LINGO2: variants seen among roughly 807,000 people sequenced by gnomAD.
LINGO2 encodes leucine-rich repeat and immunoglobulin-like domain-containing nogo receptor-interacting protein 2.
In LINGO2, 14 loss-of-function variants were observed where a neutral mutation model predicts 30.6. The ratio of observed to expected loss-of-function variants is 0.46; its 90% CI spans 0.30 to 0.72. The LOEUF (loss-of-function observed/expected upper bound fraction) is 0.72, where lower values mean the gene tolerates loss of function less well. Ranked by LOEUF, LINGO2 falls within the 30% of genes least tolerant of loss-of-function variation. LINGO2 has a pLI of 0.07. For missense variants in LINGO2, 729 were observed against 751.7 expected, an observed-to-expected ratio of 0.97 and a Z score of 0.35; for synonymous variants, 317 against 288.5, an observed-to-expected ratio of 1.10 and a Z score of -1.00.
chr9:28,844,972 CA>C, the LINGO2 span, among the ~76,000 whole-genome samples: 4 of 151,810 alleles, frequency 2.6e-5, no homozygotes, highest in Non-Finnish European at 4.4e-5. Flanking sequence ...TACAGAAAAT[CA>C]TATGCTAAGT....
chr9:28,398,349 G>A (rs1302161506), intron 2 of LINGO2, among the ~76,000 whole-genome samples: 1 of 152,130 alleles, frequency 6.6e-6, no homozygotes, highest in African/African-American at 2.4e-5. Context: ...TTACTTTCTA[G>A]CACAAGTTTA....
chr9:29,111,572 T>TA, the LINGO2 span, among the ~76,000 whole-genome samples: 1 of 151,940 alleles, frequency 6.6e-6, no homozygotes, highest in African/African-American at 2.4e-5. Context: ...AAACAGTTTT[T>TA]AAATAACAAC....
At chr9:28,219,220 C>A (rs1820874608) in intron 4 of LINGO2, among the ~76,000 whole-genome samples, 1 of 152,164 alleles carries the variant, frequency 6.6e-6, no homozygotes, top group African/African-American at 2.4e-5. Context: ...TTGTGCCAGG[C>A]AGGCACCCAT....
At chr9:28,625,361 G>A (rs768928381) in intron 1 of LINGO2, among the ~76,000 whole-genome samples, 1 of 152,120 alleles carries the variant, frequency 6.6e-6, no homozygotes, top group Non-Finnish European at 1.5e-5. Flanking sequence ...CAGGAGATGG[G>A]GGAGAGGTGA....
the LINGO2 span, among the ~76,000 whole-genome samples, chr9:29,025,646 A>G: frequency 1.3e-5 from 2 of 152,194 alleles, no homozygotes; most frequent in Non-Finnish European, 2.9e-5. Flanking sequence ...TTTACCTCAC[A>G]GTTACCATTG....
chr9:29,045,224 T>A, the LINGO2 span, among the ~76,000 whole-genome samples: 1 of 152,088 alleles, frequency 6.6e-6, no homozygotes, highest in African/African-American at 2.4e-5. Context: ...AGCAGGCAAT[T>A]TACAAGTTAT....
At chr9:29,199,046 T>C in the LINGO2 span, among the ~76,000 whole-genome samples, 1 of 152,112 alleles carries the variant, frequency 6.6e-6, no homozygotes, top group Non-Finnish European at 1.5e-5. Flanking sequence ...ATTAATTTCT[T>C]GTTCAAGTAT....
the LINGO2 span, among the ~76,000 whole-genome samples, chr9:29,021,386 C>G: frequency 2.6e-4 from 39 of 152,224 alleles, no homozygotes; most frequent in African/African-American, 8.9e-4. Flanking sequence ...AGGCCAGGTG[C>G]GGTGGCTAAC....
At chr9:28,172,366 G>A (rs1026887493) in intron 4 of LINGO2, among the ~76,000 whole-genome samples, 2 of 150,102 alleles carry the variant, frequency 1.3e-5, no homozygotes, top group African/African-American at 4.9e-5. Flanking sequence ...ACTCCAGCCT[G>A]GGCGACAGAG....
intron 5 of LINGO2, among the ~76,000 whole-genome samples, chr9:27,976,536 T>C (rs1231894187): frequency 1.3e-5 from 2 of 152,050 alleles, no homozygotes; most frequent in African/African-American, 2.4e-5. Flanking sequence ...TCATAGCATT[T>C]ACTCCTCACA....
intron 4 of LINGO2, among the ~76,000 whole-genome samples, chr9:28,224,356 AC>A (rs1821075848): frequency 6.6e-6 from 1 of 152,102 alleles, no homozygotes; most frequent in Non-Finnish European, 1.5e-5. Flanking sequence ...GAGCCACCGC[AC>A]CTGGCCCAGA....
the LINGO2 span, among the ~76,000 whole-genome samples, chr9:28,779,564 G>C: frequency 3.3e-5 from 5 of 152,130 alleles, no homozygotes; most frequent in Non-Finnish European, 7.4e-5. Flanking sequence ...TAGTCAATGA[G>C]TTTATAAGCC....
intron 4 of LINGO2, among the ~76,000 whole-genome samples, chr9:28,015,488 A>AATAAC (rs56685050): frequency 0.99 from 150,775 of 152,178 alleles, 74,709 homozygotes; most frequent in Middle Eastern, 1. Context: ...TCAACGTTTA[A>AATAAC]ATAAGAAAAT....
chr9:28,055,561 T>C (rs970071031), intron 4 of LINGO2, among the ~76,000 whole-genome samples: 2 of 152,202 alleles, frequency 1.3e-5, no homozygotes, highest in African/African-American at 4.8e-5. Context: ...TTGGAATTCT[T>C]CGTTCGAAGT....
chr9:28,971,136 G>A, the LINGO2 span, among the ~76,000 whole-genome samples: 1 of 152,150 alleles, frequency 6.6e-6, no homozygotes, highest in Non-Finnish European at 1.5e-5. Flanking sequence ...CCCTGGGCAA[G>A]AAGAGAACTC....
At chr9:28,679,339 T>A in the LINGO2 span, among the ~76,000 whole-genome samples, 1 of 152,162 alleles carries the variant, frequency 6.6e-6, no homozygotes, top group East Asian at 1.9e-4. Flanking sequence ...ACATGATTTA[T>A]CTTCTAATCT....
chr9:28,794,699 C>T, the LINGO2 span, among the ~76,000 whole-genome samples: 3 of 152,042 alleles, frequency 2.0e-5, no homozygotes, highest in African/African-American at 7.3e-5. Context: ...CTCTAATTGT[C>T]TAAATGCTTT....
chr9:28,512,971 C>A (rs1318064755), intron 1 of LINGO2, among the ~76,000 whole-genome samples: 1 of 151,832 alleles, frequency 6.6e-6, no homozygotes, highest in African/African-American at 2.4e-5. Flanking sequence ...CTGCCTTCCA[C>A]AGCCCACTGA....
chr9:28,361,429 T>A lies in LINGO2; in HGVS notation c.-246+11407A>T, dbSNP rs78874232. Among the ~76,000 whole-genome samples the A allele has an allele frequency of 5.4e-3, 818 of 152,320 alleles. 5 individuals are homozygous for A. The highest frequency in any genetic ancestry group is 0.019 in the African/African-American group (781 of 41,574). Reference sequence around the variant, plus strand: ...TCTCTTGCAGACAACGGGAGACTACTGTATTAGACATCTGATTTTAAACTT... The same window carrying A: ...TCTCTTGCAGACAACGGGAGACTACAGTATTAGACATCTGATTTTAAACTT... On this transcript the variant is annotated intron_variant, in intron 3 of 5. Transcript: ENST00000379992.
Sources: gnomAD v4.1 joint callset for allele counts (sites outside exome capture counted in the v4.1 genomes callset) on GRCh38, gnomAD v4.1.1 for gene constraint, MANE v1.5 for transcripts, NCBI Gene and HGNC (gene_info 2026-07-23, HGNC 2026-07-21) for gene names.